The following LRBA variants were observed in gnomAD, a reference collection of about 807,000 sequenced individuals.
The protein encoded by LRBA is LPS responsive beige-like anchor protein, also known as lipopolysaccharide-responsive and beige-like anchor protein.
Under a neutral mutation model 330.0 loss-of-function variants are expected in LRBA, and 176 were observed. That is an observed-to-expected ratio of 0.53 (90% CI 0.47 to 0.60). The LOEUF is 0.60. LRBA is among the 20% of genes least tolerant of loss of function. The probability of loss-of-function intolerance (pLI) is 0.00; values close to 1 mark genes in which losing one functional copy is unlikely to be tolerated. For missense variants in LRBA, 3,259 were observed against 3,444.8 expected (o/e 0.95, Z 1.35); for synonymous variants, 1,230 against 1,193.0 (o/e 1.03, Z -0.64).
At chr4:150,792,389 C>A (rs1305604305) in intron 34 of LRBA, among the ~76,000 whole-genome samples, 2 of 152,044 alleles carry the variant, frequency 1.3e-5, no homozygotes, top group African/African-American at 2.4e-5. Flanking sequence ...TGAAAAGAGG[C>A]ACAGGGAAAT....
intron 40 of LRBA, among the ~76,000 whole-genome samples, chr4:150,563,726 C>T (rs1350680325): frequency 6.6e-6 from 1 of 152,098 alleles, no homozygotes; most frequent in African/African-American, 2.4e-5. Context: ...CACAAGAATT[C>T]CTATATACCA....
chr4:150,978,641 A>G (rs1352089181), intron 2 of LRBA, among the ~76,000 whole-genome samples: 4 of 152,228 alleles, frequency 2.6e-5, no homozygotes, highest in Non-Finnish European at 5.9e-5. Flanking sequence ...GATAACACAA[A>G]GAAGGAATTC....
At chr4:150,443,853 A>AAAAAAT (rs70941406) in intron 44 of LRBA, among the ~76,000 whole-genome samples, 2 of 75,470 alleles carry the variant, frequency 2.7e-5, no homozygotes, top group African/African-American at 3.9e-5. Flanking sequence ...TAATTAAAAA[A>AAAAAAT]ATATATATAT....
At chr4:150,623,061 G>A (rs924033877) in intron 37 of LRBA, among the ~76,000 whole-genome samples, 3 of 152,026 alleles carry the variant, frequency 2.0e-5, no homozygotes, top group Non-Finnish European at 4.4e-5. Flanking sequence ...AAGCAAGATT[G>A]CCCACCCTTG....
rs886538701 is a variant in LRBA at position 151,014,344 on chromosome 4, T to C, written c.216+83A>G. On this transcript the variant is annotated intron_variant, in intron 2 of 56. Coordinates refer to ENST00000651943, the MANE Select transcript of LRBA (RefSeq NM_001364905.1). ...CGAAAAAAGTCACCATCAGTGTGAG[T>C]AAACCACATGGCTCCAGCTTTAAGA... 3 of 1,160,828 alleles carry C rather than the reference T, an allele frequency of 2.6e-6. No individual in the cohort carries two copies. The African/African-American group carries it at 4.6e-5, about 18-fold the overall frequency. 71.9% of individuals were successfully genotyped at this position (1,160,828 alleles called of 1,614,324 possible).
intron 17 of LRBA, among the ~76,000 whole-genome samples, chr4:150,873,245 AT>A (rs763777281): frequency 6.6e-6 from 1 of 152,344 alleles, no homozygotes; most frequent in South Asian, 2.1e-4. Context: ...CTAAAAATAA[AT>A]TTCTCATTCA....
intron 2 of LRBA, among the ~76,000 whole-genome samples, chr4:151,003,045 C>CGTGTGTGTGTGT (rs35823392): frequency 9.5e-4 from 140 of 147,312 alleles, no homozygotes; most frequent in African/African-American, 3.4e-3. Context: ...TATGTGTTTG[C>CGTGTGTGTGTGT]GTGTGTGTGT....
intron 44 of LRBA, among the ~76,000 whole-genome samples, chr4:150,465,177 T>C (rs2152057365): frequency 6.6e-6 from 1 of 152,276 alleles, no homozygotes; most frequent in Non-Finnish European, 1.5e-5. Flanking sequence ...GACTGGCTTA[T>C]TTCACCTAGC....
intron 37 of LRBA, among the ~76,000 whole-genome samples, chr4:150,657,736 G>C (rs950286167): frequency 6.6e-6 from 1 of 152,030 alleles, no homozygotes; most frequent in Non-Finnish European, 1.5e-5. Context: ...AAAAAACTGA[G>C]ATTTTTTAAC....
intron 44 of LRBA, among the ~76,000 whole-genome samples, chr4:150,438,781 TTATTAA>T (rs566419940): frequency 3.4e-3 from 512 of 152,338 alleles, no homozygotes; most frequent in African/African-American, 0.011. Context: ...TTGGTTATCC[TTATTAA>T]ATTGTTAATT....
intron 40 of LRBA, among the ~76,000 whole-genome samples, chr4:150,571,391 G>A (rs182197985): frequency 6.6e-6 from 1 of 151,976 alleles, no homozygotes; most frequent in African/African-American, 2.4e-5. Flanking sequence ...TTGCTTTATT[G>A]CTTTAAGAAT....
chr4:150,489,449 TA>T (rs1394723246), intron 41 of LRBA, among the ~76,000 whole-genome samples: 17 of 39,184 alleles, frequency 4.3e-4, no homozygotes, highest in African/African-American at 1.0e-3. Flanking sequence ...TATAATATAT[TA>T]TATATAAGAA....
At chr4:150,627,829 G>T (rs1323794423) in intron 37 of LRBA, among the ~76,000 whole-genome samples, 1 of 151,914 alleles carries the variant, frequency 6.6e-6, no homozygotes, top group Non-Finnish European at 1.5e-5. Flanking sequence ...AGAATTCTAA[G>T]GAATAAAACA....
chr4:150,431,062 T>C (rs1306620045), intron 46 of LRBA, among the ~76,000 whole-genome samples: 1 of 152,204 alleles, frequency 6.6e-6, no homozygotes, highest in Non-Finnish European at 1.5e-5. Flanking sequence ...TGTAGCTGTC[T>C]AGTCAAATTC....
At chr4:150,966,330 C>T (rs1457068793) in intron 2 of LRBA, among the ~76,000 whole-genome samples, 1 of 149,014 alleles carries the variant, frequency 6.7e-6, no homozygotes, top group Non-Finnish European at 1.5e-5. Context: ...TTTTTTGAGA[C>T]GGAGTCTCGT....
chr4:150,695,791 C>T (rs898143263), intron 36 of LRBA, among the ~76,000 whole-genome samples: 14 of 152,180 alleles, frequency 9.2e-5, no homozygotes, highest in African/African-American at 3.4e-4. Flanking sequence ...GTTAGATGAT[C>T]TTAAGCAAAT....
intron 22 of LRBA, among the ~76,000 whole-genome samples, chr4:150,853,542 T>C (rs1750869774): frequency 6.6e-6 from 1 of 152,196 alleles, no homozygotes; most frequent in Non-Finnish European, 1.5e-5. Flanking sequence ...GAAAATAGTC[T>C]GAATGTTTCA....
At chr4:150,372,832 A>G (rs1273321886) in intron 47 of LRBA, among the ~76,000 whole-genome samples, 1 of 150,272 alleles carries the variant, frequency 6.7e-6, no homozygotes, top group East Asian at 2.0e-4. Flanking sequence ...CATCTCCTAT[A>G]CTAAGTACAG....
At chr4:150,907,414 C>A (rs1204545329) in intron 11 of LRBA, among the ~76,000 whole-genome samples, 1 of 151,352 alleles carries the variant, frequency 6.6e-6, no homozygotes, top group African/African-American at 2.4e-5. Flanking sequence ...GAACACAGCA[C>A]AAAACAATTC....
Sources: gnomAD v4.1 joint callset for allele counts (sites outside exome capture counted in the v4.1 genomes callset) on GRCh38, gnomAD v4.1.1 for gene constraint, MANE v1.5 for transcripts, NCBI Gene and HGNC (gene_info 2026-07-23, HGNC 2026-07-21) for gene names.